TMEM117: variants seen among roughly 807,000 people sequenced by gnomAD.
TMEM117 encodes transmembrane protein 117.
A neutral mutation model predicts 52.4 loss-of-function variants in TMEM117; 27 were observed. The ratio of observed to expected loss-of-function variants is 0.51; its 90% CI spans 0.38 to 0.71. TMEM117 has a LOEUF of 0.71. Ranked by LOEUF, TMEM117 falls within the 30% of genes least tolerant of loss-of-function variation. The pLI, the probability that TMEM117 is intolerant of heterozygous loss-of-function variation, is 0.00. For synonymous variants in TMEM117, 215 were observed against 206.3 expected, an observed-to-expected ratio of 1.04 and a Z score of -0.36; for missense variants, 556 against 630.5, an observed-to-expected ratio of 0.88 and a Z score of 1.26.
chr12:43,851,169 T>C (rs1477841657), intron 2 of TMEM117, among the ~76,000 whole-genome samples: 2 of 152,192 alleles, frequency 1.3e-5, no homozygotes, highest in Non-Finnish European at 2.9e-5. Flanking sequence ...CAATACAGTA[T>C]TGCCAATTTA....
At chr12:44,179,442 CA>C (rs1025243852) in intron 4 of TMEM117, among the ~76,000 whole-genome samples, 12 of 152,322 alleles carry the variant, frequency 7.9e-5, no homozygotes, top group African/African-American at 2.6e-4. Context: ...TCTGCTGGTG[CA>C]AATCCTACAG....
chr12:44,251,413 C>T (rs571793213), intron 5 of TMEM117, among the ~76,000 whole-genome samples: 1 of 152,066 alleles, frequency 6.6e-6, no homozygotes, highest in African/African-American at 2.4e-5. Flanking sequence ...CTAAGGCCAT[C>T]GGTTGGATGC....
intron 3 of TMEM117, among the ~76,000 whole-genome samples, chr12:44,080,361 C>T (rs1456007877): frequency 6.6e-6 from 1 of 152,072 alleles, no homozygotes; most frequent in African/African-American, 2.4e-5. Flanking sequence ...CTTATAAAAT[C>T]ATCAGATATC....
At position 43,848,598 on chromosome 12, in the gene TMEM117, A is replaced by G. The variant is rs1943252567; in HGVS notation, c.277+3670A>G. Among the ~76,000 whole-genome samples the G allele has an allele frequency of 2.0e-5, 3 of 151,892 alleles. No individual in the cohort carries two copies. In the South Asian group the frequency reaches 6.3e-4, roughly 32 times the overall value. On this transcript the variant is annotated intron_variant, in intron 2 of 7. Coordinates refer to ENST00000266534, the MANE Select transcript of TMEM117 (RefSeq NM_032256.3). The stretch of plus-strand genomic sequence containing the variant: ...CTTCCCTTGTTCCATAAAAATCACT[A>G]TTATTCTGTTCTTTTTCAAGGTGCA...
intron 2 of TMEM117, among the ~76,000 whole-genome samples, chr12:43,897,121 C>G (rs965258456): frequency 6.6e-6 from 1 of 152,084 alleles, no homozygotes; most frequent in Admixed American, 6.6e-5. Context: ...TTTGCAACCC[C>G]AAATGCTTTG....
At chr12:43,990,739 A>G (rs1300952200) in intron 3 of TMEM117, among the ~76,000 whole-genome samples, 2 of 152,120 alleles carry the variant, frequency 1.3e-5, no homozygotes, top group Non-Finnish European at 2.9e-5. Context: ...TATTTTACAA[A>G]TGAGGTACAG....
At chr12:43,903,192 A>C (rs1025113810) in intron 2 of TMEM117, among the ~76,000 whole-genome samples, 9 of 152,210 alleles carry the variant, frequency 5.9e-5, no homozygotes, top group Admixed American at 1.3e-4. Context: ...TTTTGGGTAC[A>C]AGTCAAGAAA....
intron 2 of TMEM117, among the ~76,000 whole-genome samples, chr12:43,865,191 A>G (rs1943568341): frequency 6.6e-6 from 1 of 152,072 alleles, no homozygotes; most frequent in Admixed American, 6.6e-5. Flanking sequence ...ACCAATTCCG[A>G]CACAGTGGGA....
chr12:44,159,453 G>A (rs1356106370), intron 4 of TMEM117, among the ~76,000 whole-genome samples: 1 of 152,032 alleles, frequency 6.6e-6, no homozygotes, highest in Non-Finnish European at 1.5e-5. Context: ...CAAATGCAGA[G>A]GTGTGAATGG....
chr12:44,177,805 T>C (rs944421636), intron 4 of TMEM117, among the ~76,000 whole-genome samples: 2 of 152,292 alleles, frequency 1.3e-5, no homozygotes, highest in African/African-American at 4.8e-5. Context: ...AAATAGACTA[T>C]GCTTCGATGC....
intron 2 of TMEM117, among the ~76,000 whole-genome samples, chr12:43,915,754 GAAA>G (rs1944590874): frequency 1.4e-5 from 2 of 141,566 alleles, no homozygotes; most frequent in East Asian, 2.4e-4. Flanking sequence ...GAAAGAAAAA[GAAA>G]GAAAGAAAGA....
intron 3 of TMEM117, among the ~76,000 whole-genome samples, chr12:44,032,693 T>C (rs1188430248): frequency 2.0e-5 from 3 of 152,238 alleles, no homozygotes; most frequent in South Asian, 4.1e-4. Context: ...TACTAATCTT[T>C]CATACAGCAC....
At chr12:43,972,734 C>T (rs1201493767) in intron 3 of TMEM117, among the ~76,000 whole-genome samples, 8 of 151,992 alleles carry the variant, frequency 5.3e-5, no homozygotes, top group South Asian at 2.1e-4. Context: ...AGCTACAGAG[C>T]GCTGATGGCT....
rs527827289 is a variant in TMEM117, at chr12:44,109,904, C to T, written c.411-33621C>T. Reference sequence around the variant, plus strand: ...TCCTTGAGCAGTGGTTTGTAGTTCTCCTTGAAGAGGTCCTTCACATCCCTT... The same window carrying T: ...TCCTTGAGCAGTGGTTTGTAGTTCTTCTTGAAGAGGTCCTTCACATCCCTT... On this transcript the variant is annotated intron_variant, in intron 3 of 7. Coordinates refer to ENST00000266534, the MANE Select transcript of TMEM117 (RefSeq NM_032256.3). Among the ~76,000 whole-genome samples the T allele has an allele frequency of 3.9e-3, 293 of 75,418 alleles. 7 individuals are homozygous for T. The highest frequency in any genetic ancestry group is 7.3e-3 in the Admixed American group (51 of 7,010). The allele number at this position is 75,418 out of a possible 152,430, so 49.5% of individuals were successfully genotyped here.
chr12:44,385,888 C>T (rs1952081333), intron 7 of TMEM117, among the ~76,000 whole-genome samples: 1 of 152,066 alleles, frequency 6.6e-6, no homozygotes, highest in South Asian at 2.1e-4. Context: ...CCATTCTTTT[C>T]CTTTTCTCTC....
chr12:44,157,064 A>G (rs1948834901), intron 4 of TMEM117, among the ~76,000 whole-genome samples: 1 of 152,168 alleles, frequency 6.6e-6, no homozygotes, highest in African/African-American at 2.4e-5. Context: ...TCTAGTTATC[A>G]GGACAAGCAC....
chr12:44,277,362 G>T (rs1359271871), intron 5 of TMEM117, among the ~76,000 whole-genome samples: 1 of 151,740 alleles, frequency 6.6e-6, no homozygotes, highest in Non-Finnish European at 1.5e-5. Flanking sequence ...AATTTCTAAA[G>T]CTGTATTAGT....
At chr12:44,311,787 GTA>G (rs1170834286) in intron 6 of TMEM117, among the ~76,000 whole-genome samples, 499 of 19,414 alleles carry the variant, frequency 0.026, 23 homozygotes, top group African/African-American at 0.044. Context: ...GTGTATATAT[GTA>G]TATATATGTA....
chr12:44,363,769 AGATGATAAAT>A (rs1951754293), intron 6 of TMEM117, among the ~76,000 whole-genome samples: 1 of 152,232 alleles, frequency 6.6e-6, no homozygotes, highest in African/African-American at 2.4e-5. Flanking sequence ...ATTGAAAGGC[AGATGATAAAT>A]GATTAGTTGA....
Sources: allele counts gnomAD v4.1 joint callset (sites outside exome capture counted in the v4.1 genomes callset), GRCh38; gene constraint gnomAD v4.1.1; transcripts MANE v1.5; gene names NCBI Gene and HGNC (gene_info 2026-07-23, HGNC 2026-07-21).